Variants in SDCCAG8 observed in about 807,000 individuals in gnomAD.
SDCCAG8 encodes serologically defined colon cancer antigen 8.
In SDCCAG8, 74 loss-of-function variants were observed where a neutral mutation model predicts 101.8. The ratio of observed to expected loss-of-function variants is 0.73; its 90% CI spans 0.60 to 0.88. The LOEUF (loss-of-function observed/expected upper bound fraction) is 0.88, where lower values mean the gene tolerates loss of function less well. SDCCAG8 is among the 40% of genes least tolerant of loss of function. The pLI is 0.00. For missense variants in SDCCAG8, 787 were observed against 822.6 expected (o/e 0.96, Z 0.53); for synonymous variants, 281 against 292.9 (o/e 0.96, Z 0.41).
chr1:243,489,034 ACAGCCAGGCCACAGCC>A lies in SDCCAG8; in HGVS notation c.2011_2026del (p.Gln671SerfsTer45), dbSNP rs777167475. 1.2e-6 allele frequency: 2 copies of A among 1,613,400 alleles called. No homozygotes were observed. Among genetic ancestry groups the A allele is most frequent in the Non-Finnish European group, 1.7e-6 (2 of 1,180,034 alleles). On this transcript the variant is annotated frameshift_variant, in exon 17 of 18. Coordinates refer to ENST00000366541, the MANE Select transcript of SDCCAG8 (RefSeq NM_006642.5). LOFTEE classifies it high-confidence loss of function. ...TCCAGGCTAAGGCAGCTGGATAAGC[ACAGCCAGGCCACAGCC>A]CAGCAGCTGGTGCAGCTCCTCAGCA...
chr1:243,497,631 T>C (rs1334406781), intron 17 of SDCCAG8, among the ~76,000 whole-genome samples: 2 of 152,120 alleles, frequency 1.3e-5, no homozygotes, highest in Non-Finnish European at 2.9e-5. Flanking sequence ...AGACTCATCA[T>C]GAGAAATGCC....
intron 1 of SDCCAG8, among the ~76,000 whole-genome samples, chr1:243,258,703 T>A (rs2066956966): frequency 6.6e-6 from 1 of 152,170 alleles, no homozygotes; most frequent in Non-Finnish European, 1.5e-5. Context: ...CGCGCCCGGC[T>A]GATAATTCCC....
At chr1:243,380,839 A>G (rs1412455904) in intron 13 of SDCCAG8, among the ~76,000 whole-genome samples, 1 of 152,202 alleles carries the variant, frequency 6.6e-6, no homozygotes, top group Non-Finnish European at 1.5e-5. Context: ...TCATAAATTT[A>G]AAGATGACAA....
At position 243,482,375 on chromosome 1, in the gene SDCCAG8, T is replaced by G. The variant is rs149935771; in HGVS notation, c.1986-6639T>G. Among the ~76,000 whole-genome samples the G allele has an allele frequency of 1.4e-3, 219 of 152,330 alleles. 1 individual carries two copies. Among genetic ancestry groups the G allele is most frequent in the African/African-American group, 5.1e-3 (213 of 41,578 alleles). On this transcript the variant is annotated intron_variant, in intron 16 of 17. Transcript: ENST00000366541. ...CTCTTATGAGTCCCCTGTGATTTCA[T>G]CAGCATCTGCCTTTAGAAACCCGGG...
chr1:243,380,730 A>T (rs1305337100), intron 13 of SDCCAG8, among the ~76,000 whole-genome samples: 2 of 152,098 alleles, frequency 1.3e-5, no homozygotes, highest in African/African-American at 4.8e-5. Flanking sequence ...CTAAAATTTA[A>T]ACGTAGTTTT....
intron 16 of SDCCAG8, among the ~76,000 whole-genome samples, chr1:243,435,248 A>C (rs2082057154): frequency 6.6e-6 from 1 of 152,188 alleles, no homozygotes; most frequent in Non-Finnish European, 1.5e-5. Flanking sequence ...GGCTTTCCTC[A>C]GTTTACTTCT....
chr1:243,344,215 G>T lies in SDCCAG8; in HGVS notation c.1357G>T (p.Val453Leu). 6.2e-7 allele frequency: 1 copy of T among 1,612,478 alleles called. No homozygotes were observed. Among genetic ancestry groups the T allele is most frequent in the Non-Finnish European group, 8.5e-7 (1 of 1,178,536 alleles). The change falls in exon 12 of 18, where the codon GTG becomes TTG. Residue 453 changes from valine (V) to leucine (L), a missense_variant and splice_region_variant. Coordinates refer to ENST00000366541, the MANE Select transcript of SDCCAG8 (RefSeq NM_006642.5). ...CATCCAGTTTTTTACAATCTAACAG[G>T]TGTGTGGAGAAATGCGCTATCAGCT... ...LASREMDVTK[V>L]CGEMRYQLNK...
chr1:243,353,523 A>AAAAAAAAAAAAAAAAT (rs2076218624), intron 12 of SDCCAG8, among the ~76,000 whole-genome samples: 1 of 140,512 alleles, frequency 7.1e-6, no homozygotes, highest in Non-Finnish European at 1.6e-5. Context: ...AAAAAAAAAA[A>AAAAAAAAAAAAAAAAT]GAATGTTGCC....
At chr1:243,418,888 A>G (rs73120311) in intron 15 of SDCCAG8, among the ~76,000 whole-genome samples, 4,411 of 152,270 alleles carry the variant, frequency 0.029, 142 homozygotes, top group African/African-American at 0.074. Context: ...ACTTTATATG[A>G]TAACTCAATG....
At chr1:243,490,381 C>T (rs568919382) in intron 17 of SDCCAG8, among the ~76,000 whole-genome samples, 102 of 152,306 alleles carry the variant, frequency 6.7e-4, no homozygotes, top group Non-Finnish European at 7.5e-4. Flanking sequence ...ATCTAGGAGG[C>T]GAGGCCTCAC....
intron 16 of SDCCAG8, chr1:243,475,857 G>T (rs1458701629): frequency 6.9e-6 from 5 of 723,330 alleles, no homozygotes; most frequent in Non-Finnish European, 8.5e-6. Context: ...TGGTTCTCTT[G>T]CCACTCCTCA....
chr1:243,468,478 A>G (rs950123348), intron 16 of SDCCAG8, among the ~76,000 whole-genome samples: 1 of 152,204 alleles, frequency 6.6e-6, no homozygotes, highest in Non-Finnish European at 1.5e-5. Context: ...TCAGCCTCCC[A>G]AAGTCCTGGG....
chr1:243,346,975 C>T (rs1049091706), intron 12 of SDCCAG8, among the ~76,000 whole-genome samples: 4 of 152,144 alleles, frequency 2.6e-5, no homozygotes, highest in African/African-American at 9.7e-5. Flanking sequence ...TTTGCCCGTC[C>T]TCTTCCTCAG....
chr1:243,499,947 A>T lies in SDCCAG8; in HGVS notation c.*162A>T. On this transcript the variant is annotated 3_prime_UTR_variant, in exon 18 of 18. Transcript: ENST00000366541. Reference sequence around the variant, plus strand: ...CAACGCGGGCGCTGTCCCCGCACGCAGTCGGGCTGGAGCTGGAGTCTGACT... The same window carrying T: ...CAACGCGGGCGCTGTCCCCGCACGCTGTCGGGCTGGAGCTGGAGTCTGACT... 1 of 693,444 alleles carries T rather than the reference A, an allele frequency of 1.4e-6. No individual in the cohort carries two copies. The highest frequency in any genetic ancestry group is 2.6e-6 in the Non-Finnish European group (1 of 384,054). 43.0% of individuals were successfully genotyped at this position (693,444 alleles called of 1,614,324 possible).
At chr1:243,430,449 T>C (rs896618782) in intron 16 of SDCCAG8, among the ~76,000 whole-genome samples, 2 of 152,090 alleles carry the variant, frequency 1.3e-5, no homozygotes, top group African/African-American at 4.8e-5. Flanking sequence ...TTTTATTTTA[T>C]TTATTTATTT....
chr1:243,356,862 G>T (rs895472795), intron 12 of SDCCAG8, among the ~76,000 whole-genome samples: 2 of 152,126 alleles, frequency 1.3e-5, no homozygotes, highest in Non-Finnish European at 2.9e-5. Flanking sequence ...CCCAGGTATG[G>T]TGTCATGTGC....
chr1:243,481,449 T>C (rs1663734797), intron 16 of SDCCAG8, among the ~76,000 whole-genome samples: 1 of 152,190 alleles, frequency 6.6e-6, no homozygotes, highest in Non-Finnish European at 1.5e-5. Context: ...ACGTGTAGTA[T>C]TGTTATGAGG....
chr1:243,350,126 TG>T (rs1457976457), intron 12 of SDCCAG8, among the ~76,000 whole-genome samples: 3 of 152,130 alleles, frequency 2.0e-5, no homozygotes, highest in Non-Finnish European at 4.4e-5. Flanking sequence ...TTAACTAGAC[TG>T]TTGGAAGAAG....
intron 11 of SDCCAG8, among the ~76,000 whole-genome samples, chr1:243,341,385 G>C (rs2075375238): frequency 6.6e-6 from 1 of 152,220 alleles, no homozygotes; most frequent in African/African-American, 2.4e-5. Flanking sequence ...CATGTGCAAG[G>C]ATGAATTAGA....
Sources: allele counts gnomAD v4.1 joint callset (sites outside exome capture counted in the v4.1 genomes callset), GRCh38; gene constraint gnomAD v4.1.1; transcripts MANE v1.5; gene names NCBI Gene and HGNC (gene_info 2026-07-23, HGNC 2026-07-21).